The following DNAH11 variants were observed in gnomAD, a reference collection of about 807,000 sequenced individuals.
The protein encoded by DNAH11 is dynein axonemal heavy chain 11.
DNAH11 carries 442 observed loss-of-function variants against 526.0 expected under a neutral mutation model. The ratio of observed to expected loss-of-function variants is 0.84; its 90% CI spans 0.78 to 0.91. The LOEUF is 0.91. Ranked by LOEUF, DNAH11 falls within the 40% of genes least tolerant of loss-of-function variation. The pLI, the probability that DNAH11 is intolerant of heterozygous loss-of-function variation, is 0.00. For synonymous variants in DNAH11, 2,461 were observed against 1,935.9 expected (o/e 1.27, Z -7.12); for missense variants, 6,989 against 5,448.7 (o/e 1.28, Z -8.90).
At chr7:21,640,324 G>A (rs769330739) in intron 28 of DNAH11, among the ~76,000 whole-genome samples, 2 of 152,112 alleles carry the variant, frequency 1.3e-5, no homozygotes, top group Admixed American at 6.5e-5. Context: ...GCCCCTGAGG[G>A]CATCCTCATG....
chr7:21,567,836 C>A (rs1369657037), intron 6 of DNAH11, among the ~76,000 whole-genome samples: 1 of 152,246 alleles, frequency 6.6e-6, no homozygotes, highest in Non-Finnish European at 1.5e-5. Context: ...ATCACCTGTT[C>A]ACCTTGCGTG....
chr7:21,769,321 T>C (rs1383829912), intron 55 of DNAH11, among the ~76,000 whole-genome samples: 2 of 152,174 alleles, frequency 1.3e-5, no homozygotes, highest in East Asian at 3.9e-4. Flanking sequence ...GAATATTCAG[T>C]TGAAGGTGTA....
At chr7:21,819,808 A>G (rs1453885643) in intron 65 of DNAH11, among the ~76,000 whole-genome samples, 1 of 152,222 alleles carries the variant, frequency 6.6e-6, no homozygotes, top group Non-Finnish European at 1.5e-5. Context: ...CAGATTTTAC[A>G]TAGAGCTTCA....
At chr7:21,636,825 C>T (rs1182880056) in intron 26 of DNAH11, among the ~76,000 whole-genome samples, 2 of 152,084 alleles carry the variant, frequency 1.3e-5, no homozygotes, top group Admixed American at 1.3e-4. Flanking sequence ...CATAGATTGC[C>T]GACCTTTGTG....
chr7:21,809,646 C>T (rs1789420867), intron 63 of DNAH11, among the ~76,000 whole-genome samples: 1 of 152,120 alleles, frequency 6.6e-6, no homozygotes, highest in African/African-American at 2.4e-5. Flanking sequence ...CCACTACAAC[C>T]TCCGCCCCCG....
intron 28 of DNAH11, among the ~76,000 whole-genome samples, chr7:21,642,497 A>C (rs1787175212): frequency 1.3e-5 from 2 of 152,116 alleles, no homozygotes; most frequent in Admixed American, 6.6e-5. Context: ...TCTTTTCAAC[A>C]TTAGAGTCAG....
intron 6 of DNAH11, among the ~76,000 whole-genome samples, chr7:21,565,652 T>TCCCTTAAGTGAAA (rs1179240207): frequency 6.6e-6 from 1 of 152,168 alleles, no homozygotes; most frequent in African/African-American, 2.4e-5. Context: ...AAATCTAATT[T>TCCCTTAAGTGAAA]TCTCACTTAA....
chr7:21,805,822 A>T (rs1435570574), intron 62 of DNAH11, among the ~76,000 whole-genome samples: 3 of 152,226 alleles, frequency 2.0e-5, no homozygotes, highest in Non-Finnish European at 4.4e-5. Flanking sequence ...TTAATTGAAG[A>T]TGTCAGATCT....
chr7:21,631,199 G>C (rs888395116), intron 25 of DNAH11, among the ~76,000 whole-genome samples: 5 of 152,150 alleles, frequency 3.3e-5, no homozygotes, highest in African/African-American at 7.2e-5. Flanking sequence ...CACGAGAACA[G>C]CATGGGAAGG....
intron 47 of DNAH11, among the ~76,000 whole-genome samples, chr7:21,739,343 A>C: frequency 6.6e-6 from 1 of 152,214 alleles, no homozygotes; most frequent in East Asian, 1.9e-4. Flanking sequence ...AATAGTTTAC[A>C]TTGACGCAGC....
chr7:21,760,765 G>T (rs1786863901), intron 54 of DNAH11, among the ~76,000 whole-genome samples: 1 of 152,116 alleles, frequency 6.6e-6, no homozygotes, highest in African/African-American at 2.4e-5. Flanking sequence ...TGCAGTGTGG[G>T]CTTCCATTAG....
At chr7:21,622,483 T>G (rs995134497) in intron 25 of DNAH11, among the ~76,000 whole-genome samples, 7 of 152,268 alleles carry the variant, frequency 4.6e-5, no homozygotes, top group Admixed American at 4.6e-4. Context: ...AAAGTTCATA[T>G]GGCACCAAAA....
intron 35 of DNAH11, among the ~76,000 whole-genome samples, chr7:21,697,430 G>C (rs76112764): frequency 0.012 from 1,813 of 152,218 alleles, 23 homozygotes; most frequent in African/African-American, 0.04. Context: ...TGAATGTTCT[G>C]AGTTGGTTCT....
At chr7:21,602,598 TGTAC>T (rs1785137707) in intron 18 of DNAH11, among the ~76,000 whole-genome samples, 1 of 149,062 alleles carries the variant, frequency 6.7e-6, no homozygotes, top group African/African-American at 2.5e-5. Flanking sequence ...TGTGTGTGTG[TGTAC>T]ACACATGTAC....
rs1167729267 is a variant in DNAH11, at chr7:21,894,774, T to C, written c.12902T>C (p.Ile4301Thr). 4 of 1,611,802 alleles carry C rather than the reference T, an allele frequency of 2.5e-6. No homozygotes were observed. Among genetic ancestry groups the C allele is most frequent in the Non-Finnish European group, 3.4e-6 (4 of 1,178,842 alleles). ...RMNILIREIR[I>T]SLEQLDLSLK... ...AATATTCTCATTCGGGAAATACGTA[T>C]ATCACTTGAACAACTGGACCTTAGT... The change falls in exon 78 of 82, where the codon ATA becomes ACA. Residue 4301 changes from isoleucine (I) to threonine (T), a missense_variant. Coordinates refer to ENST00000409508, the MANE Select transcript of DNAH11 (RefSeq NM_001277115.2).
At chr7:21,588,471 A>G (rs1784551431) in intron 10 of DNAH11, 41 bp from the exon 11 acceptor site, 2 of 1,609,858 alleles carry the variant, frequency 1.2e-6, no homozygotes. Context: ...TTCTGACTAA[A>G]TGTTCCCTTT....
chr7:21,692,905 C>T (rs1783690670), intron 35 of DNAH11, among the ~76,000 whole-genome samples: 2 of 152,294 alleles, frequency 1.3e-5, no homozygotes, highest in South Asian at 4.1e-4. Flanking sequence ...GTTTAGTTTG[C>T]ATCTCCATGA....
Position 21,816,699 on chromosome 7 carries a change from A to G in DNAH11, c.10565A>G (p.Lys3522Arg). The G allele has an allele frequency of 6.2e-7, 1 of 1,613,152 alleles. No individual in the cohort carries two copies. Among genetic ancestry groups the G allele is most frequent in the Non-Finnish European group, 8.5e-7 (1 of 1,179,550 alleles). The change falls in exon 64 of 82, where the codon AAA becomes AGA. Residue 3522 changes from lysine (K) to arginine (R), a missense_variant. By Grantham distance (26) the Lys-to-Arg change is conservative (BLOSUM62 2). Coordinates refer to ENST00000409508, the MANE Select transcript of DNAH11 (RefSeq NM_001277115.2). Reference sequence around the variant, plus strand: ...CTGAAAGTCACACATTTGGGCCAGAAAGGGTATGTGAAGTTTGAAGAGACT... The same window carrying G: ...CTGAAAGTCACACATTTGGGCCAGAGAGGGTATGTGAAGTTTGAAGAGACT... ...MDLKVTHLGQ[K>R]GFLNAIETAL...
intron 5 of DNAH11, chr7:21,561,447 T>TAAA (rs35392204): frequency 8.3e-6 from 2 of 240,010 alleles, no homozygotes; most frequent in African/African-American, 4.6e-5. Context: ...CATTCGGAGT[T>TAAA]AAAAAAAAAA....
Sources: allele counts gnomAD v4.1 joint callset (sites outside exome capture counted in the v4.1 genomes callset), GRCh38; gene constraint gnomAD v4.1.1; transcripts MANE v1.5; gene names NCBI Gene and HGNC (gene_info 2026-07-23, HGNC 2026-07-21).